EPHB1: variants seen among roughly 807,000 people sequenced by gnomAD.
The protein encoded by EPHB1 is ephrin type-B receptor 1.
In EPHB1, 30 loss-of-function variants were observed where a neutral mutation model predicts 94.4. The observed-to-expected ratio is 0.32, with a 90% CI of 0.24 to 0.43. EPHB1 has a LOEUF of 0.43. EPHB1 is among the 20% of genes least tolerant of loss of function. The probability of loss-of-function intolerance (pLI) is 1.00; values close to 1 mark genes in which losing one functional copy is unlikely to be tolerated. For synonymous variants in EPHB1, 522 were observed against 489.1 expected (o/e 1.07, Z -0.89); for missense variants, 1,055 against 1,308.3 (o/e 0.81, Z 2.99).
At chr3:134,967,441 C>T (rs1933801946) in intron 3 of EPHB1, among the ~76,000 whole-genome samples, 1 of 152,160 alleles carries the variant, frequency 6.6e-6, no homozygotes, top group Admixed American at 6.5e-5. Context: ...ATCATGAGAG[C>T]TCTGCACTCA....
intron 3 of EPHB1, among the ~76,000 whole-genome samples, chr3:134,999,266 T>C (rs946473929): frequency 6.6e-6 from 1 of 152,140 alleles, no homozygotes; most frequent in Non-Finnish European, 1.5e-5. Flanking sequence ...GGAAGGTTTT[T>C]TGAGTTACTG....
intron 3 of EPHB1, among the ~76,000 whole-genome samples, chr3:135,090,024 C>T (rs999042697): frequency 1.4e-4 from 21 of 152,348 alleles, no homozygotes; most frequent in African/African-American, 4.3e-4. Context: ...TACTGATGTT[C>T]ATCCAGGAAA....
At chr3:135,194,583 A>G (rs1452553025) in intron 11 of EPHB1, among the ~76,000 whole-genome samples, 1 of 152,216 alleles carries the variant, frequency 6.6e-6, no homozygotes, top group African/African-American at 2.4e-5. Flanking sequence ...ACTCAGAAAC[A>G]GAGCTTAGGG....
chr3:135,159,548 A>G (rs1296071926), intron 6 of EPHB1, among the ~76,000 whole-genome samples: 4 of 152,222 alleles, frequency 2.6e-5, no homozygotes, highest in Non-Finnish European at 5.9e-5. Context: ...TTCAGATCTC[A>G]GATCTCCACT....
chr3:135,154,057 G>A (rs1445245452), intron 5 of EPHB1, 95 bp from the exon 6 acceptor site: 14 of 1,532,616 alleles, frequency 9.1e-6, no homozygotes, highest in African/African-American at 1.4e-5. Flanking sequence ...AGTTCAAGCC[G>A]AATGCCATTT....
At chr3:135,052,115 G>A (rs770328235) in intron 3 of EPHB1, among the ~76,000 whole-genome samples, 2 of 152,166 alleles carry the variant, frequency 1.3e-5, no homozygotes, top group South Asian at 2.1e-4. Flanking sequence ...AGCATTTAGA[G>A]AAAAAATTCC....
chr3:134,796,005 T>A (rs962772443), intron 1 of EPHB1: 3 of 456,614 alleles, frequency 6.6e-6, no homozygotes, highest in Non-Finnish European at 1.2e-5. Flanking sequence ...TTGCGGTGCA[T>A]GCTCCTTAGC....
chr3:135,034,881 G>T (rs1936598006), intron 3 of EPHB1, among the ~76,000 whole-genome samples: 1 of 152,196 alleles, frequency 6.6e-6, no homozygotes, highest in African/African-American at 2.4e-5. Flanking sequence ...CTGCCTGTAG[G>T]ACCTGAATAG....
At chr3:134,987,773 AAAACAAAC>A (rs34219096) in intron 3 of EPHB1, among the ~76,000 whole-genome samples, 180 of 151,300 alleles carry the variant, frequency 1.2e-3, no homozygotes, top group African/African-American at 1.4e-3. Context: ...TCTGTCTTGA[AAAACAAAC>A]AAACAAACAA....
rs568403332 is a variant in EPHB1, at chr3:135,259,570, C to CCCACACT, written c.*452_*458dup. 286 of 197,522 alleles carry CCCACACT rather than the reference C, an allele frequency of 1.4e-3. 1 individual carries two copies. The highest frequency in any genetic ancestry group is 6.1e-3 in the African/African-American group (265 of 43,360). 12.2% of individuals were successfully genotyped at this position (197,522 alleles called of 1,614,324 possible). ...CCTCCCTGAGAGTCCCCTCCCTTCT[C>CCCACACT]CCACACTCGTTTCCCTTTGCTCATG... On this transcript the variant is annotated 3_prime_UTR_variant, in exon 16 of 16. Coordinates refer to ENST00000398015, the MANE Select transcript of EPHB1 (RefSeq NM_004441.5).
chr3:135,022,130 C>T (rs1263022603), intron 3 of EPHB1, among the ~76,000 whole-genome samples: 1 of 152,178 alleles, frequency 6.6e-6, no homozygotes, highest in Non-Finnish European at 1.5e-5. Flanking sequence ...CAGGCGCCCG[C>T]CACCATGCCC....
intron 1 of EPHB1, among the ~76,000 whole-genome samples, chr3:134,916,663 C>T (rs1418098864): frequency 6.6e-6 from 1 of 152,210 alleles, no homozygotes; most frequent in East Asian, 1.9e-4. Context: ...AGTGTGGGGC[C>T]CGCTGAGCCC....
At chr3:135,014,222 T>G (rs1345058794) in intron 3 of EPHB1, among the ~76,000 whole-genome samples, 1 of 152,074 alleles carries the variant, frequency 6.6e-6, no homozygotes, top group Non-Finnish European at 1.5e-5. Context: ...TCAGGGAGAA[T>G]TGAGACATCT....
intron 12 of EPHB1, among the ~76,000 whole-genome samples, chr3:135,204,198 T>C (rs1207486076): frequency 6.6e-6 from 1 of 151,780 alleles, no homozygotes; most frequent in African/African-American, 2.4e-5. Context: ...ATTAATTAAG[T>C]TTTTTATTTT....
At chr3:134,854,725 A>G (rs2037074688) in intron 1 of EPHB1, among the ~76,000 whole-genome samples, 2 of 152,084 alleles carry the variant, frequency 1.3e-5, no homozygotes, top group Admixed American at 1.3e-4. Context: ...TTGAGCTCCA[A>G]ATGCATGGCT....
intron 3 of EPHB1, among the ~76,000 whole-genome samples, chr3:134,982,817 TA>T (rs11300820): frequency 0.61 from 91,631 of 149,746 alleles, 29,033 homozygotes; most frequent in African/African-American, 0.76. Flanking sequence ...ATTTTCAGAT[TA>T]AAAAAAAAAA....
chr3:135,030,274 C>A (rs534338271), intron 3 of EPHB1, among the ~76,000 whole-genome samples: 1 of 152,236 alleles, frequency 6.6e-6, no homozygotes, highest in African/African-American at 2.4e-5. Context: ...TGAGGAGCTG[C>A]GTTCCTTTGC....
intron 3 of EPHB1, 107 bp from the exon 4 acceptor site, chr3:135,106,341 A>G: frequency 1.6e-6 from 2 of 1,252,748 alleles, no homozygotes; most frequent in South Asian, 1.3e-5. Flanking sequence ...CGAGAGGGGC[A>G]TCTCAATGTT....
At chr3:134,803,281 G>C (rs1166477429) in intron 1 of EPHB1, among the ~76,000 whole-genome samples, 1 of 152,128 alleles carries the variant, frequency 6.6e-6, no homozygotes, top group Non-Finnish European at 1.5e-5. Flanking sequence ...TCCTTGCTCT[G>C]CTTCTCCATT....
Sources: gnomAD v4.1 joint callset for allele counts (sites outside exome capture counted in the v4.1 genomes callset) on GRCh38, gnomAD v4.1.1 for gene constraint, MANE v1.5 for transcripts, NCBI Gene and HGNC (gene_info 2026-07-23, HGNC 2026-07-21) for gene names.